KCNMA1: variants seen among roughly 807,000 people sequenced by gnomAD.
KCNMA1 encodes the protein potassium calcium-activated channel subfamily M alpha 1.
A neutral mutation model predicts 140.0 loss-of-function variants in KCNMA1; 29 were observed. That is an observed-to-expected ratio of 0.21 (90% CI 0.15 to 0.28). The LOEUF (loss-of-function observed/expected upper bound fraction) is 0.28, where lower values mean the gene tolerates loss of function less well. Among genes scored for constraint, KCNMA1 ranks in the 10% least tolerant of loss-of-function variants. The pLI, the probability that KCNMA1 is intolerant of heterozygous loss-of-function variation, is 1.00. For missense variants in KCNMA1, 880 were observed against 1,602.2 expected (o/e 0.55, Z 7.70); for synonymous variants, 612 against 611.9 (o/e 1.00, Z 0.00).
At chr10:77,307,705 C>A (rs1038121267) in intron 2 of KCNMA1, among the ~76,000 whole-genome samples, 1 of 152,160 alleles carries the variant, frequency 6.6e-6, no homozygotes, top group African/African-American at 2.4e-5. Context: ...CACCACCACG[C>A]CCAGCTAATT....
intron 2 of KCNMA1, among the ~76,000 whole-genome samples, chr10:77,336,857 C>T (rs1337354055): frequency 6.6e-6 from 1 of 152,170 alleles, no homozygotes; most frequent in Non-Finnish European, 1.5e-5. Flanking sequence ...AATATCTGCC[C>T]TACTGAAAGG....
intron 19 of KCNMA1, among the ~76,000 whole-genome samples, chr10:76,978,058 A>G (rs2078220345): frequency 6.6e-6 from 1 of 152,224 alleles, no homozygotes; most frequent in African/African-American, 2.4e-5. Context: ...CAGCTGCCGC[A>G]TAGATTTAAA....
intron 2 of KCNMA1, among the ~76,000 whole-genome samples, chr10:77,252,615 C>T (rs1169015357): frequency 1.3e-5 from 2 of 148,590 alleles, no homozygotes; most frequent in Non-Finnish European, 3.0e-5. Flanking sequence ...TACACCCACC[C>T]ACACACACAC....
chr10:76,925,228 C>A (rs2057321034), intron 23 of KCNMA1, among the ~76,000 whole-genome samples: 1 of 152,194 alleles, frequency 6.6e-6, no homozygotes, highest in South Asian at 2.1e-4. Context: ...CATATACCCA[C>A]TGGACTTCCC....
At chr10:77,185,688 C>T (rs1249491587) in intron 3 of KCNMA1, among the ~76,000 whole-genome samples, 4 of 151,144 alleles carry the variant, frequency 2.6e-5, no homozygotes, top group South Asian at 2.1e-4. Flanking sequence ...CTTCAAGAGT[C>T]GCCAGTTCAA....
At chr10:77,057,524 A>G (rs2095584017) in intron 14 of KCNMA1, among the ~76,000 whole-genome samples, 2 of 152,128 alleles carry the variant, frequency 1.3e-5, no homozygotes, top group Admixed American at 1.3e-4. Context: ...ATTCTTTAAA[A>G]TAGATAAAAG....
At chr10:77,028,172 G>T (rs2093633024) in intron 15 of KCNMA1, among the ~76,000 whole-genome samples, 1 of 152,140 alleles carries the variant, frequency 6.6e-6, no homozygotes, top group Admixed American at 6.5e-5. Context: ...TGTGCCTGGG[G>T]ATTTACTCTG....
intron 23 of KCNMA1, among the ~76,000 whole-genome samples, chr10:76,922,018 A>G (rs2056002959): frequency 2.0e-5 from 3 of 152,172 alleles, no homozygotes; most frequent in African/African-American, 7.2e-5. Flanking sequence ...GTAGCCCCCA[A>G]CAAGGTGCTG....
At chr10:77,363,551 C>T (rs998095349) in intron 2 of KCNMA1, among the ~76,000 whole-genome samples, 3 of 152,178 alleles carry the variant, frequency 2.0e-5, no homozygotes, top group Admixed American at 6.5e-5. Context: ...ACATTACTTC[C>T]TTGCTTAAAA....
intron 2 of KCNMA1, chr10:77,313,881 G>A (rs1025844558): frequency 6.6e-6 from 1 of 152,160 alleles, no homozygotes; most frequent in Non-Finnish European, 1.5e-5. Flanking sequence ...TGGACTCACA[G>A]GATTTGGGGG....
At chr10:77,631,944 A>G (rs2093266104) in intron 1 of KCNMA1, among the ~76,000 whole-genome samples, 1 of 152,144 alleles carries the variant, frequency 6.6e-6, no homozygotes, top group Admixed American at 6.5e-5. Context: ...GGTTGGTGAA[A>G]AAAACCACCC....
chr10:77,285,148 TAAAG>T (rs765636174), intron 2 of KCNMA1, among the ~76,000 whole-genome samples: 7 of 152,194 alleles, frequency 4.6e-5, no homozygotes, highest in Non-Finnish European at 8.8e-5. Context: ...CAGAAAACTT[TAAAG>T]AAAGAAATAA....
chr10:77,261,867 T>C (rs1031819155), intron 2 of KCNMA1, among the ~76,000 whole-genome samples: 1 of 152,164 alleles, frequency 6.6e-6, no homozygotes, highest in African/African-American at 2.4e-5. Flanking sequence ...GCGCTCAAGT[T>C]TGCAGCTAAT....
At chr10:77,171,386 CGTGTGTGTGTGTGCGTGT>C (rs1394423278) in intron 5 of KCNMA1, among the ~76,000 whole-genome samples, 21 of 137,050 alleles carry the variant, frequency 1.5e-4, no homozygotes, top group Admixed American at 8.4e-4. Flanking sequence ...AGTACGTGTG[CGTGTGTGTGTGTGCGTGT>C]GTGTGTGTGT....
At chr10:76,903,260 T>C (rs773815950) in intron 25 of KCNMA1, 2 of 152,248 alleles carry the variant, frequency 1.3e-5, no homozygotes, top group Non-Finnish European at 2.9e-5. Context: ...TTTAAACTAA[T>C]TGGTCTTTTA....
intron 18 of KCNMA1, among the ~76,000 whole-genome samples, chr10:77,005,818 T>A (rs1426035850): frequency 6.6e-6 from 1 of 152,218 alleles, no homozygotes; most frequent in Admixed American, 6.5e-5. Flanking sequence ...AATAGAAGTA[T>A]TTCCCTAATG....
chr10:77,338,703 C>A (rs1283132238), intron 2 of KCNMA1, among the ~76,000 whole-genome samples: 1 of 152,200 alleles, frequency 6.6e-6, no homozygotes, highest in South Asian at 2.1e-4. Flanking sequence ...TTCATCTGGG[C>A]AGGTTGGATC....
chr10:77,254,237 TTTTA>T (rs1188628745), intron 2 of KCNMA1, among the ~76,000 whole-genome samples: 2 of 151,586 alleles, frequency 1.3e-5, no homozygotes, highest in Non-Finnish European at 2.9e-5. Flanking sequence ...TTTTTTTTTT[TTTTA>T]GACAGATCCT....
chr10:77,546,439 G>A (rs950868508), intron 1 of KCNMA1, among the ~76,000 whole-genome samples: 1 of 151,750 alleles, frequency 6.6e-6, no homozygotes, highest in African/African-American at 2.4e-5. Flanking sequence ...GGGGCCTTGT[G>A]TAGGGGACCA....
Sources: allele counts gnomAD v4.1 joint callset (sites outside exome capture counted in the v4.1 genomes callset), GRCh38; gene constraint gnomAD v4.1.1; transcripts MANE v1.5; gene names NCBI Gene and HGNC (gene_info 2026-07-23, HGNC 2026-07-21).